ZSWIM6: variants seen among roughly 807,000 people sequenced by gnomAD.
ZSWIM6 encodes zinc finger SWIM domain-containing protein 6.
Under a neutral mutation model 113.2 loss-of-function variants are expected in ZSWIM6, and 9 were observed. That is an observed-to-expected ratio of 0.08 (90% CI 0.05 to 0.14). The LOEUF (loss-of-function observed/expected upper bound fraction) is 0.14, where lower values mean the gene tolerates loss of function less well. Ranked by LOEUF, ZSWIM6 falls within the 10% of genes least tolerant of loss-of-function variation. The probability of loss-of-function intolerance (pLI) is 1.00; values close to 1 mark genes in which losing one functional copy is unlikely to be tolerated. For missense variants in ZSWIM6, 1,162 were observed against 1,552.2 expected, an observed-to-expected ratio of 0.75 and a Z score of 4.22; for synonymous variants, 611 against 606.5, an observed-to-expected ratio of 1.01 and a Z score of -0.11.
intron 1 of ZSWIM6, among the ~76,000 whole-genome samples, chr5:61,382,816 A>AAAG (rs1745512663): frequency 6.7e-6 from 1 of 150,128 alleles, no homozygotes; most frequent in African/African-American, 2.5e-5. Flanking sequence ...AAATAAAAAA[A>AAAG]AAAGAAAGAA....
intron 8 of ZSWIM6, 120 bp from the exon 9 acceptor site, chr5:61,531,345 G>T: frequency 8.3e-7 from 1 of 1,211,110 alleles, no homozygotes; most frequent in Non-Finnish European, 1.1e-6. Context: ...ATGTTTTCTG[G>T]CTTTCTCAGC....
At position 61,545,296 on chromosome 5, in the gene ZSWIM6, C is replaced by T. The variant is rs1391440462; in HGVS notation, c.*979C>T. On this transcript the variant is annotated 3_prime_UTR_variant, in exon 14 of 14. Transcript: ENST00000252744. ...ATGTATACACACAGACACACACACA[C>T]ACCACCAACAACCACCACTACACCA... 1 of 151,636 alleles carries T rather than the reference C, an allele frequency of 6.6e-6. No individual in the cohort carries two copies. The highest frequency in any genetic ancestry group is 1.5e-5 in the Non-Finnish European group (1 of 67,784). The allele number at this position is 151,636 out of a possible 1,614,324, so 9.4% of individuals were successfully genotyped here. A position where few individuals can be genotyped will look rare whatever the true frequency, so the allele number is the denominator to read the frequency against.
At chr5:61,459,218 G>T (rs1347376276) in intron 1 of ZSWIM6, among the ~76,000 whole-genome samples, 1 of 152,068 alleles carries the variant, frequency 6.6e-6, no homozygotes, top group Non-Finnish European at 1.5e-5. Context: ...TTCATAAATA[G>T]CTTTATTTAA....
chr5:61,458,252 GA>G (rs1222035429), intron 1 of ZSWIM6, among the ~76,000 whole-genome samples: 2 of 151,886 alleles, frequency 1.3e-5, no homozygotes, highest in African/African-American at 4.8e-5. Context: ...ATAAACCAAA[GA>G]AAAAAATAAC....
intron 1 of ZSWIM6, among the ~76,000 whole-genome samples, chr5:61,381,840 A>G (rs916694535): frequency 2.6e-5 from 4 of 152,242 alleles, no homozygotes; most frequent in African/African-American, 9.6e-5. Flanking sequence ...TTGTGTGGAT[A>G]CATGTAATAC....
chr5:61,490,682 A>G, intron 2 of ZSWIM6, 104 bp from the exon 3 acceptor site: 1 of 1,152,190 alleles, frequency 8.7e-7, no homozygotes, highest in Admixed American at 3.1e-5. Context: ...GTATAATTGA[A>G]ATTGAGATTG....
chr5:61,337,226 C>T (rs960493980), intron 1 of ZSWIM6, among the ~76,000 whole-genome samples: 4 of 152,156 alleles, frequency 2.6e-5, no homozygotes, highest in Non-Finnish European at 5.9e-5. Flanking sequence ...TTACAGTGAG[C>T]CGAGATTGCA....
At chr5:61,474,825 G>A (rs1056668758) in intron 2 of ZSWIM6, among the ~76,000 whole-genome samples, 3 of 152,124 alleles carry the variant, frequency 2.0e-5, no homozygotes, top group Non-Finnish European at 4.4e-5. Flanking sequence ...TTTTAATGTG[G>A]TTTCTGTGTC....
At chr5:61,533,338 C>T (rs1191377063) in intron 9 of ZSWIM6, among the ~76,000 whole-genome samples, 1 of 152,214 alleles carries the variant, frequency 6.6e-6, no homozygotes, top group Non-Finnish European at 1.5e-5. Context: ...CAGTTATACT[C>T]TTTGCAAATG....
chr5:61,536,633 CA>C (rs987568896), intron 10 of ZSWIM6, among the ~76,000 whole-genome samples: 38 of 152,272 alleles, frequency 2.5e-4, no homozygotes, highest in African/African-American at 8.4e-4. Flanking sequence ...CCAGTGTCCC[CA>C]AAGTTACCCT....
chr5:61,439,738 T>TA (rs1746786077), intron 1 of ZSWIM6, among the ~76,000 whole-genome samples: 1 of 152,222 alleles, frequency 6.6e-6, no homozygotes, highest in African/African-American at 2.4e-5. Flanking sequence ...GCACCAATAA[T>TA]ATATATCTAG....
intron 4 of ZSWIM6, among the ~76,000 whole-genome samples, chr5:61,505,647 C>T (rs1011358763): frequency 1.3e-4 from 13 of 103,812 alleles, no homozygotes; most frequent in South Asian, 3.4e-4. Flanking sequence ...TCCTTCCTTC[C>T]TTCCTTCCTT....
At chr5:61,339,155 AGG>A (rs1417608828) in intron 1 of ZSWIM6, among the ~76,000 whole-genome samples, 1 of 152,248 alleles carries the variant, frequency 6.6e-6, no homozygotes, top group East Asian at 1.9e-4. Flanking sequence ...TAGGCAGTGT[AGG>A]AATGACATGT....
At chr5:61,457,921 A>C (rs1460044119) in intron 1 of ZSWIM6, among the ~76,000 whole-genome samples, 1 of 152,240 alleles carries the variant, frequency 6.6e-6, no homozygotes, top group Non-Finnish European at 1.5e-5. Flanking sequence ...AAATAGGGCA[A>C]TAATCAGTCA....
intron 1 of ZSWIM6, among the ~76,000 whole-genome samples, chr5:61,426,518 C>T (rs544083122): frequency 1.2e-4 from 18 of 152,276 alleles, no homozygotes; most frequent in African/African-American, 4.3e-4. Context: ...ACAGCTGTCA[C>T]CTTCAATAAA....
intron 4 of ZSWIM6, among the ~76,000 whole-genome samples, chr5:61,495,522 A>G (rs1203294280): frequency 6.6e-6 from 1 of 152,040 alleles, no homozygotes; most frequent in African/African-American, 2.4e-5. Flanking sequence ...TTCCCTGGCA[A>G]TTTTCTTAAG....
rs1425597012 is a variant in ZSWIM6 at position 61,525,699 on chromosome 5, G to A, written c.1514-101G>A. ...CTGCTTAGGGGGTGCAGGACAATGT[G>A]TGTGGGTGTGTTCATGAACATCTGG... On this transcript the variant is annotated intron_variant, in intron 5 of 13. Coordinates refer to ENST00000252744, the MANE Select transcript of ZSWIM6 (RefSeq NM_020928.2). 3.7e-6 allele frequency: 5 copies of A among 1,348,304 alleles called. No individual in the cohort carries two copies. In the African/African-American group the frequency reaches 5.7e-5, roughly 15 times the overall value. The allele number at this position is 1,348,304 out of a possible 1,614,324, so 83.5% of individuals were successfully genotyped here. A position where few individuals can be genotyped will look rare whatever the true frequency, so the allele number is the denominator to read the frequency against.
intron 4 of ZSWIM6, among the ~76,000 whole-genome samples, chr5:61,496,202 T>G (rs1029010573): frequency 2.0e-5 from 3 of 152,120 alleles, no homozygotes; most frequent in Non-Finnish European, 4.4e-5. Context: ...TACAAATTCT[T>G]TGATTTCAGT....
intron 1 of ZSWIM6, among the ~76,000 whole-genome samples, chr5:61,364,020 C>T (rs1311946926): frequency 8.0e-6 from 1 of 125,036 alleles, no homozygotes; most frequent in African/African-American, 3.0e-5. Flanking sequence ...TTCTTTTCTT[C>T]CTTTCTTCTT....
Sources: gnomAD v4.1 joint callset for allele counts (sites outside exome capture counted in the v4.1 genomes callset) on GRCh38, gnomAD v4.1.1 for gene constraint, MANE v1.5 for transcripts, NCBI Gene and HGNC (gene_info 2026-07-23, HGNC 2026-07-21) for gene names.